Variants in RERG observed in about 807,000 individuals in gnomAD.
RERG encodes the protein ras-related and estrogen-regulated growth inhibitor.
A neutral mutation model predicts 23.2 loss-of-function variants in RERG; 25 were observed. The ratio of observed to expected loss-of-function variants is 1.08; its 90% CI spans 0.79 to 1.50. RERG has a LOEUF of 1.50. Ranked by LOEUF, RERG falls within the 40% of genes most tolerant of loss-of-function variation. The probability of loss-of-function intolerance (pLI) is 0.00; values close to 1 mark genes in which losing one functional copy is unlikely to be tolerated. For synonymous variants in RERG, 81 were observed against 89.1 expected, an observed-to-expected ratio of 0.91 and a Z score of 0.51; for missense variants, 253 against 250.1, an observed-to-expected ratio of 1.01 and a Z score of -0.08.
At chr12:15,218,227 G>A (rs1865469485) in intron 1 of RERG, among the ~76,000 whole-genome samples, 1 of 152,124 alleles carries the variant, frequency 6.6e-6, no homozygotes, top group Admixed American at 6.5e-5. Context: ...AACGATAAAT[G>A]CCATGCTCCA....
intron 2 of RERG, among the ~76,000 whole-genome samples, chr12:15,194,255 G>A (rs761741446): frequency 1.3e-5 from 2 of 152,074 alleles, no homozygotes; most frequent in Non-Finnish European, 2.9e-5. Flanking sequence ...TCCTTCAACA[G>A]CACATTCCAG....
intron 2 of RERG, among the ~76,000 whole-genome samples, chr12:15,163,968 C>G (rs1285254143): frequency 6.6e-6 from 1 of 152,050 alleles, no homozygotes; most frequent in Non-Finnish European, 1.5e-5. Flanking sequence ...TTTTTCCTTT[C>G]CATATTGCAG....
chr12:15,149,054 A>T (rs1565519731), intron 2 of RERG, among the ~76,000 whole-genome samples: 1 of 151,468 alleles, frequency 6.6e-6, no homozygotes, highest in Non-Finnish European at 1.5e-5. Flanking sequence ...ATTCTTTAGT[A>T]GAGACGGGGT....
chr12:15,187,819 A>G (rs1280804454), intron 2 of RERG, among the ~76,000 whole-genome samples: 1 of 151,976 alleles, frequency 6.6e-6, no homozygotes, highest in Non-Finnish European at 1.5e-5. Flanking sequence ...TCGGCCTCCC[A>G]AAGTGCTGGG....
chr12:15,197,065 T>C lies in RERG; in HGVS notation c.61+20364A>G, dbSNP rs149050239. Among the ~76,000 whole-genome samples the C allele has an allele frequency of 9.9e-4, 151 of 152,308 alleles. 1 individual carries two copies. In the East Asian group the frequency reaches 0.021, roughly 21 times the overall value. On this transcript the variant is annotated intron_variant, in intron 2 of 4. Coordinates refer to ENST00000256953, the MANE Select transcript of RERG (RefSeq NM_032918.3). ...TCTAAAGCATTTTCATGAATTATTC[T>C]GCTTAATACTTACAATGACAATCTG... is the stretch of plus-strand genomic sequence containing the variant.
At chr12:15,173,606 A>G (rs181589452) in intron 2 of RERG, among the ~76,000 whole-genome samples, 5 of 152,172 alleles carry the variant, frequency 3.3e-5, no homozygotes, top group Admixed American at 3.3e-4. Flanking sequence ...CCTCCAATTC[A>G]TAAATAAATA....
At chr12:15,166,499 A>G (rs10772841) in intron 2 of RERG, among the ~76,000 whole-genome samples, 124,706 of 150,396 alleles carry the variant, frequency 0.83, 51,499 homozygotes, top group Middle Eastern at 0.92. Context: ...GATGATGATG[A>G]TGGGGATGGT....
At chr12:15,116,089 A>G (rs561440175) in intron 3 of RERG, among the ~76,000 whole-genome samples, 3 of 152,346 alleles carry the variant, frequency 2.0e-5, no homozygotes, top group African/African-American at 7.2e-5. Flanking sequence ...TGGAGATTAT[A>G]GTTTTGTATG....
intron 2 of RERG, among the ~76,000 whole-genome samples, chr12:15,158,319 T>C (rs914719949): frequency 6.6e-6 from 1 of 152,146 alleles, no homozygotes; most frequent in Non-Finnish European, 1.5e-5. Flanking sequence ...TCTCGCTCTG[T>C]CATCCAGGCT....
rs1373815618 is a variant in RERG, at chr12:15,153,970, TG to T, written c.62-32852del. ...GACAGACACACACAGAGAGATGATA[TG>T]GAAACATAAGGAGAACACCATCTGC... On this transcript the variant is annotated intron_variant, in intron 2 of 4. Transcript: ENST00000256953. Among the ~76,000 whole-genome samples the T allele has an allele frequency of 5.3e-5, 8 of 152,134 alleles. No homozygotes were observed. In the East Asian group the frequency reaches 1.2e-3, roughly 22 times the overall value.
intron 2 of RERG, among the ~76,000 whole-genome samples, chr12:15,165,968 C>A (rs953724023): frequency 2.0e-5 from 3 of 152,142 alleles, no homozygotes; most frequent in Non-Finnish European, 2.9e-5. Flanking sequence ...CTAGGTACAC[C>A]TAGGTCACTA....
intron 2 of RERG, among the ~76,000 whole-genome samples, chr12:15,178,618 C>T (rs1266205573): frequency 6.6e-6 from 1 of 152,128 alleles, no homozygotes; most frequent in African/African-American, 2.4e-5. Context: ...TATACTGAGT[C>T]TCAATTTCCT....
chr12:15,207,261 G>A (rs1437700254), intron 2 of RERG, among the ~76,000 whole-genome samples: 1 of 152,060 alleles, frequency 6.6e-6, no homozygotes, highest in East Asian at 1.9e-4. Context: ...ATAGAAAGTG[G>A]GGAGGGATAA....
At chr12:15,171,521 T>C (rs1000339499) in intron 2 of RERG, among the ~76,000 whole-genome samples, 4 of 152,124 alleles carry the variant, frequency 2.6e-5, no homozygotes, top group African/African-American at 7.2e-5. Flanking sequence ...TCCAGAGGTT[T>C]CTGAGTGGGG....
At chr12:15,126,870 G>C in intron 2 of RERG, among the ~76,000 whole-genome samples, 1 of 150,856 alleles carries the variant, frequency 6.6e-6, no homozygotes, top group South Asian at 2.1e-4. Flanking sequence ...GGCGCAACCC[G>C]CCACACCCGG....
intron 2 of RERG, among the ~76,000 whole-genome samples, chr12:15,171,887 G>A (rs1321092800): frequency 2.6e-5 from 4 of 152,162 alleles, no homozygotes; most frequent in Middle Eastern, 3.4e-3. Flanking sequence ...GTAGTTCTCC[G>A]ACTTTTTTGA....
At chr12:15,197,935 C>T (rs1285220162) in intron 2 of RERG, among the ~76,000 whole-genome samples, 1 of 152,134 alleles carries the variant, frequency 6.6e-6, no homozygotes, top group Non-Finnish European at 1.5e-5. Context: ...GAGACTGGCT[C>T]TTTCCTCCTG....
intron 2 of RERG, among the ~76,000 whole-genome samples, chr12:15,206,424 A>T (rs961761137): frequency 3.9e-5 from 6 of 152,172 alleles, no homozygotes; most frequent in African/African-American, 1.4e-4. Context: ...GCAGCTCACA[A>T]AAAGCTATAT....
chr12:15,135,362 G>C (rs1328191390), intron 2 of RERG, among the ~76,000 whole-genome samples: 1 of 150,596 alleles, frequency 6.6e-6, no homozygotes, highest in African/African-American at 2.4e-5. Flanking sequence ...TGTGAACAAA[G>C]ACAGTTATAT....
Sources: gnomAD v4.1 joint callset for allele counts (sites outside exome capture counted in the v4.1 genomes callset) on GRCh38, gnomAD v4.1.1 for gene constraint, MANE v1.5 for transcripts, NCBI Gene and HGNC (gene_info 2026-07-23, HGNC 2026-07-21) for gene names.